CHSY3: variants seen among roughly 807,000 people sequenced by gnomAD.
CHSY3 encodes the protein chondroitin sulfate synthase 3, also known as N-acetylgalactosaminyl-proteoglycan 3-beta-glucuronosyltransferase 3.
In CHSY3, 35 loss-of-function variants were observed where a neutral mutation model predicts 67.2. The ratio of observed to expected loss-of-function variants is 0.52; its 90% CI spans 0.40 to 0.69. The LOEUF is 0.69. Ranked by LOEUF, CHSY3 falls within the 30% of genes least tolerant of loss-of-function variation. The pLI, the probability that CHSY3 is intolerant of heterozygous loss-of-function variation, is 0.00. For synonymous variants in CHSY3, 474 were observed against 434.7 expected (o/e 1.09, Z -1.12); for missense variants, 1,069 against 1,138.5 (o/e 0.94, Z 0.88).
intron 2 of CHSY3, among the ~76,000 whole-genome samples, chr5:129,992,665 A>G (rs892184280): frequency 6.6e-6 from 1 of 152,238 alleles, no homozygotes; most frequent in East Asian, 1.9e-4. Flanking sequence ...AAAAATTTTT[A>G]CCAGTAGTCC....
At chr5:130,135,153 G>A (rs1437131581) in intron 2 of CHSY3, among the ~76,000 whole-genome samples, 1 of 151,596 alleles carries the variant, frequency 6.6e-6, no homozygotes, top group Non-Finnish European at 1.5e-5. Flanking sequence ...CTTTATGGCT[G>A]TATATGAAGG....
At chr5:130,106,794 AT>A (rs973297553) in intron 2 of CHSY3, among the ~76,000 whole-genome samples, 23 of 151,712 alleles carry the variant, frequency 1.5e-4, no homozygotes, top group Non-Finnish European at 1.0e-4. Context: ...CACTTATTGT[AT>A]TTATTACTTG....
intron 2 of CHSY3, among the ~76,000 whole-genome samples, chr5:129,956,797 C>G (rs1337942878): frequency 6.6e-6 from 1 of 151,506 alleles, no homozygotes; most frequent in African/African-American, 2.4e-5. Context: ...TATTTCTGGG[C>G]TCTCTATTCT....
intron 2 of CHSY3, among the ~76,000 whole-genome samples, chr5:130,086,205 T>G (rs570168932): frequency 1.3e-5 from 2 of 152,046 alleles, no homozygotes; most frequent in Non-Finnish European, 2.9e-5. Context: ...ATGTTGACAG[T>G]GGGGTGTTAA....
At chr5:130,113,470 AT>A (rs1561542136) in intron 2 of CHSY3, among the ~76,000 whole-genome samples, 1 of 152,230 alleles carries the variant, frequency 6.6e-6, no homozygotes, top group Non-Finnish European at 1.5e-5. Flanking sequence ...TTAAAAGAGC[AT>A]TTTTAATTCA....
intron 2 of CHSY3, among the ~76,000 whole-genome samples, chr5:130,043,583 C>T (rs1249295278): frequency 6.6e-6 from 1 of 152,120 alleles, no homozygotes; most frequent in Non-Finnish European, 1.5e-5. Flanking sequence ...AGTGTTAGAA[C>T]ATTAGCCGTC....
chr5:130,182,063 G>A (rs1770265692), intron 2 of CHSY3, among the ~76,000 whole-genome samples: 1 of 151,938 alleles, frequency 6.6e-6, no homozygotes, highest in Non-Finnish European at 1.5e-5. Context: ...TAGGGAATAT[G>A]TATGTTCATT....
At chr5:129,949,815 A>C (rs751936022) in intron 2 of CHSY3, among the ~76,000 whole-genome samples, 2 of 152,160 alleles carry the variant, frequency 1.3e-5, no homozygotes, top group Non-Finnish European at 2.9e-5. Flanking sequence ...AACATACACA[A>C]ATTAGTAAAG....
At chr5:129,961,092 T>TGGAAA (rs1762316105) in intron 2 of CHSY3, among the ~76,000 whole-genome samples, 1 of 152,018 alleles carries the variant, frequency 6.6e-6, no homozygotes, top group Non-Finnish European at 1.5e-5. Flanking sequence ...CAGACATGAG[T>TGGAAA]TTTCAGAAAA....
At chr5:130,071,775 T>A (rs1766079595) in intron 2 of CHSY3, among the ~76,000 whole-genome samples, 1 of 152,068 alleles carries the variant, frequency 6.6e-6, no homozygotes, top group South Asian at 2.1e-4. Context: ...TTTTAGATTT[T>A]GAGGACCCTT....
chr5:130,019,031 A>G (rs1764291644), intron 2 of CHSY3, among the ~76,000 whole-genome samples: 1 of 152,044 alleles, frequency 6.6e-6, no homozygotes, highest in Non-Finnish European at 1.5e-5. Context: ...TGCTGACACC[A>G]TGTTTCTTGT....
At chr5:129,966,058 T>C (rs574601677) in intron 2 of CHSY3, among the ~76,000 whole-genome samples, 31 of 151,984 alleles carry the variant, frequency 2.0e-4, no homozygotes, top group African/African-American at 7.2e-4. Context: ...ACAACATGCT[T>C]TATTCCAGGT....
At position 129,908,229 on chromosome 5, in the gene CHSY3, C is replaced by T; in HGVS notation, c.955C>T (p.Arg319Ter). ...CMGGPGMIFS[R>*]EVLRRMVPHI... ...GGGAGGACCTGGCATGATCTTTAGC[C>T]GAGAAGTTCTCAGGAGGATGGTGCC... The change falls in exon 2 of 3, where the codon CGA becomes TGA. Residue 319 changes from arginine to a stop codon, truncating the protein, a stop_gained. Transcript: ENST00000305031. LOFTEE classifies it high-confidence loss of function. 1.2e-6 allele frequency: 2 copies of T among 1,614,060 alleles called. No homozygotes were observed. Among genetic ancestry groups the T allele is most frequent in the Non-Finnish European group, 8.5e-7 (1 of 1,180,012 alleles).
intron 2 of CHSY3, among the ~76,000 whole-genome samples, chr5:130,088,970 G>C (rs959686225): frequency 1.9e-4 from 29 of 151,870 alleles, no homozygotes; most frequent in South Asian, 4.2e-4. Context: ...TTGGAACCAA[G>C]CCAAATGTCC....
chr5:130,125,433 A>AGATAGATAGAT (rs1328181079), intron 2 of CHSY3, among the ~76,000 whole-genome samples: 1 of 151,648 alleles, frequency 6.6e-6, no homozygotes, highest in African/African-American at 2.4e-5. Context: ...ATAGATAGAT[A>AGATAGATAGAT]GATAGATAGA....
chr5:130,120,994 C>T (rs1357922452), intron 2 of CHSY3, among the ~76,000 whole-genome samples: 6 of 152,190 alleles, frequency 3.9e-5, no homozygotes, highest in Non-Finnish European at 8.8e-5. Flanking sequence ...CACAGGGCTT[C>T]CTCCATCTGG....
At chr5:130,091,741 G>A (rs1484383206) in intron 2 of CHSY3, among the ~76,000 whole-genome samples, 4 of 152,118 alleles carry the variant, frequency 2.6e-5, no homozygotes, top group Non-Finnish European at 5.9e-5. Context: ...ATTTAGATAG[G>A]GGGAAATGGC....
intron 2 of CHSY3, among the ~76,000 whole-genome samples, chr5:129,992,314 G>C (rs1018823690): frequency 1.3e-5 from 2 of 152,124 alleles, no homozygotes; most frequent in African/African-American, 2.4e-5. Context: ...TGATTACCTT[G>C]ATTAAGCCAA....
chr5:130,062,998 G>T (rs1037006997), intron 2 of CHSY3, among the ~76,000 whole-genome samples: 2 of 151,946 alleles, frequency 1.3e-5, no homozygotes, highest in African/African-American at 4.8e-5. Flanking sequence ...GTTGAGTGTG[G>T]CTTCTTTTAG....
Sources: allele counts gnomAD v4.1 joint callset (sites outside exome capture counted in the v4.1 genomes callset), GRCh38; gene constraint gnomAD v4.1.1; transcripts MANE v1.5; gene names NCBI Gene and HGNC (gene_info 2026-07-23, HGNC 2026-07-21).